The following GLUD1 variants were observed in gnomAD, a reference collection of about 807,000 sequenced individuals.
GLUD1 encodes glutamate dehydrogenase 1, mitochondrial.
In GLUD1, 22 loss-of-function variants were observed where a neutral mutation model predicts 56.0. The observed-to-expected ratio is 0.39, with a 90% confidence interval of 0.28 to 0.56. The LOEUF is 0.56. Ranked by LOEUF, GLUD1 falls within the 20% of genes least tolerant of loss-of-function variation. GLUD1 has a pLI of 0.58. For missense variants in GLUD1, 451 were observed against 732.0 expected (o/e 0.62, Z 4.43); for synonymous variants, 223 against 269.9 (o/e 0.83, Z 1.70).
chr10:87,081,506 C>A (rs1367891934), intron 1 of GLUD1, among the ~76,000 whole-genome samples: 1 of 149,304 alleles, frequency 6.7e-6, no homozygotes, highest in Non-Finnish European at 1.5e-5. Flanking sequence ...GAATAGAAAG[C>A]GGGGAAAGGT....
At chr10:87,053,685 A>G (rs1209503272) in intron 11 of GLUD1, among the ~76,000 whole-genome samples, 2 of 152,200 alleles carry the variant, frequency 1.3e-5, no homozygotes, top group Admixed American at 6.5e-5. Context: ...TTGGACCTAG[A>G]GACATGAGGG....
At chr10:87,081,363 G>A (rs1487776610) in intron 1 of GLUD1, among the ~76,000 whole-genome samples, 2 of 150,170 alleles carry the variant, frequency 1.3e-5, no homozygotes, top group African/African-American at 2.4e-5. Flanking sequence ...CCCTGTCCGG[G>A]AGGTGAGGGG....
At chr10:87,062,506 A>G in intron 6 of GLUD1, 150 bp downstream of exon 6, 2 of 701,956 alleles carry the variant, frequency 2.8e-6, no homozygotes, top group Non-Finnish European at 4.9e-6. Flanking sequence ...AAGGTTCAAA[A>G]AACAAAATAT....
Position 87,060,249 on chromosome 10 carries a change from A to G in GLUD1, c.1198-8T>C. On this transcript the variant is annotated splice_region_variant and splice_polypyrimidine_tract_variant and intron_variant, in intron 8 of 12. Transcript: ENST00000277865. ...GGCACCTTCAGCAATGATCTGCAAG[A>G]GAGTCAGGAACATAGAGAAATGCGA... 6.3e-7 allele frequency: 1 copy of G among 1,589,480 alleles called. No homozygotes were observed. The highest frequency in any genetic ancestry group is 8.6e-7 in the Non-Finnish European group (1 of 1,157,454).
chr10:87,061,611 G>A (rs1004657167), intron 6 of GLUD1, among the ~76,000 whole-genome samples: 1 of 151,668 alleles, frequency 6.6e-6, no homozygotes, highest in East Asian at 1.9e-4. Context: ...CTAATTTGGA[G>A]AAATACAATT....
chr10:87,091,538 C>T, intron 1 of GLUD1: 1 of 655,984 alleles, frequency 1.5e-6, no homozygotes, highest in Non-Finnish European at 1.9e-6. Context: ...TTTAAGGCCT[C>T]ACTTAAACTT....
At chr10:87,055,429 A>G (rs1439431348) in intron 11 of GLUD1, among the ~76,000 whole-genome samples, 2 of 151,976 alleles carry the variant, frequency 1.3e-5, no homozygotes, top group Admixed American at 6.6e-5. Context: ...GAAAACTTTT[A>G]TTTTTTTAAC....
chr10:87,081,946 CAAAAAAAAAAA>C (rs71019464), intron 1 of GLUD1, among the ~76,000 whole-genome samples: 1 of 85,668 alleles, frequency 1.2e-5, no homozygotes, highest in South Asian at 3.9e-4. Context: ...ATGATCAATA[CAAAAAAAAAAA>C]AAAAAAGAAA....
At chr10:87,068,006 T>C in intron 5 of GLUD1, 57 bp downstream of exon 5, 1 of 990,872 alleles carries the variant, frequency 1.0e-6, no homozygotes. Flanking sequence ...TCAGTCAAAC[T>C]GTTAATTCTT....
rs773995364 is a variant in GLUD1 at position 87,050,279 on chromosome 10, C to G, written c.*1472G>C. ...GCTTTCAGGGATCATTTCTATAGTT[C>G]GTTACTCGGGAAGTTTCTCTGAACG... On this transcript the variant is annotated 3_prime_UTR_variant, in exon 13 of 13. Coordinates refer to ENST00000277865, the MANE Select transcript of GLUD1 (RefSeq NM_005271.5). Among the ~76,000 whole-genome samples, 13 of 149,974 alleles carry G rather than the reference C, an allele frequency of 8.7e-5. No homozygotes were observed. Among genetic ancestry groups the G allele is most frequent in the Non-Finnish European group, 1.6e-4 (11 of 67,800 alleles).
At chr10:87,069,514 C>CAAA (rs374019349) in intron 4 of GLUD1, among the ~76,000 whole-genome samples, 2 of 62,632 alleles carry the variant, frequency 3.2e-5, no homozygotes, top group Admixed American at 1.8e-4. Flanking sequence ...GACTCTGTTT[C>CAAA]AAAAAAAAAA....
At chr10:87,093,816 A>G (rs946759721) in intron 1 of GLUD1, 2 of 793,636 alleles carry the variant, frequency 2.5e-6, no homozygotes, top group Non-Finnish European at 3.7e-6. Context: ...AACTGTCTAG[A>G]TTTCAAACTT....
chr10:87,060,121 T>A, intron 9 of GLUD1, 40 bp downstream of exon 9: 1 of 1,232,160 alleles, frequency 8.1e-7, no homozygotes, highest in Non-Finnish European at 1.2e-6. Flanking sequence ...CTATTATGAT[T>A]CTAAGTACAT....
At chr10:87,057,930 G>A (rs1367379623) in intron 10 of GLUD1, 148 bp from the exon 11 acceptor site, 15 of 629,084 alleles carry the variant, frequency 2.4e-5, no homozygotes, top group Admixed American at 2.4e-5. Context: ...GTGTAGAGGC[G>A]TGATCTCAGC....
At chr10:87,090,176 C>G (rs1041487221) in intron 1 of GLUD1, among the ~76,000 whole-genome samples, 1 of 152,150 alleles carries the variant, frequency 6.6e-6, no homozygotes, top group Non-Finnish European at 1.5e-5. Flanking sequence ...TTACAGAACC[C>G]TTAGTATTTT....
intron 3 of GLUD1, among the ~76,000 whole-genome samples, chr10:87,075,709 G>A (rs529724490): frequency 5.8e-4 from 89 of 152,240 alleles, no homozygotes; most frequent in African/African-American, 2.0e-3. Flanking sequence ...ATCACCTGAG[G>A]TCAGGAGTTC....
chr10:87,087,850 G>A (rs1186376552), intron 1 of GLUD1, among the ~76,000 whole-genome samples: 1 of 152,172 alleles, frequency 6.6e-6, no homozygotes, highest in East Asian at 1.9e-4. Flanking sequence ...GGAGGCCGAG[G>A]TGGGCTGATC....
chr10:87,054,255 T>C (rs1214392536), intron 11 of GLUD1, among the ~76,000 whole-genome samples: 1 of 152,166 alleles, frequency 6.6e-6, no homozygotes, highest in African/African-American at 2.4e-5. Context: ...AGACTTTATA[T>C]TGTAGTGGGA....
chr10:87,073,390 G>C (rs999602454), intron 4 of GLUD1, among the ~76,000 whole-genome samples: 1 of 152,064 alleles, frequency 6.6e-6, no homozygotes, highest in African/African-American at 2.4e-5. Context: ...CTGGGCTCAA[G>C]TGATCCTCCC....
Sources: gnomAD v4.1 joint callset for allele counts (sites outside exome capture counted in the v4.1 genomes callset) on GRCh38, gnomAD v4.1.1 for gene constraint, MANE v1.5 for transcripts, NCBI Gene and HGNC (gene_info 2026-07-23, HGNC 2026-07-21) for gene names.